Variants in AFAP1L2 observed in about 807,000 individuals in gnomAD.
AFAP1L2 encodes the protein actin filament associated protein 1 like 2.
In AFAP1L2, 46 loss-of-function variants were observed where a neutral mutation model predicts 99.3. The ratio of observed to expected loss-of-function variants is 0.46; its 90% confidence interval spans 0.37 to 0.59. The LOEUF (loss-of-function observed/expected upper bound fraction) is 0.59. AFAP1L2 is among the 20% of genes least tolerant of loss of function. The pLI is 0.00. For missense variants in AFAP1L2, 959 were observed against 1,034.9 expected (o/e 0.93, Z 1.01); for synonymous variants, 397 against 419.1 (o/e 0.95, Z 0.64).
chr10:114,332,846 TTC>T (rs1372993560), intron 3 of AFAP1L2, among the ~76,000 whole-genome samples: 1 of 152,196 alleles, frequency 6.6e-6, no homozygotes, highest in Non-Finnish European at 1.5e-5. Flanking sequence ...CACCATTTAC[TTC>T]TCTCTCCTCT....
intron 11 of AFAP1L2, 31 bp downstream of exon 11, chr10:114,304,688 T>C: frequency 6.4e-7 from 1 of 1,559,254 alleles, no homozygotes; most frequent in Non-Finnish European, 8.7e-7. Context: ...ACACCCTGGC[T>C]GGCCCTGCTC....
intron 5 of AFAP1L2, among the ~76,000 whole-genome samples, chr10:114,317,193 G>C (rs992080830): frequency 2.1e-5 from 1 of 47,002 alleles, no homozygotes; most frequent in Non-Finnish European, 6.2e-5. Context: ...ATTTGAAACA[G>C]AATATAGAAA....
At chr10:114,394,674 A>G (rs1399246406) in intron 1 of AFAP1L2, among the ~76,000 whole-genome samples, 1 of 152,128 alleles carries the variant, frequency 6.6e-6, no homozygotes, top group Non-Finnish European at 1.5e-5. Context: ...CAGGTGCAGG[A>G]GCCAGCGTGA....
At chr10:114,395,168 A>C (rs1194347901) in intron 1 of AFAP1L2, among the ~76,000 whole-genome samples, 2 of 152,208 alleles carry the variant, frequency 1.3e-5, no homozygotes, top group Admixed American at 1.3e-4. Flanking sequence ...CAGAAGCCAC[A>C]GAGGGCTTCT....
chr10:114,290,087 C>T (rs1300636936), downstream of AFAP1L2: 2 of 966,494 alleles, frequency 2.1e-6, no homozygotes, highest in Admixed American at 2.7e-5. Flanking sequence ...ACTAACCTAG[C>T]CAAGTGGTAT....
chr10:114,291,284 C>T (rs899922360), downstream of AFAP1L2: 4 of 1,538,152 alleles, frequency 2.6e-6, no homozygotes, highest in Non-Finnish European at 3.5e-6. Context: ...CCCCTCCCAG[C>T]AACTACAGAG....
intron 1 of AFAP1L2, among the ~76,000 whole-genome samples, chr10:114,394,887 G>A (rs1485836421): frequency 6.6e-6 from 1 of 152,100 alleles, no homozygotes; most frequent in Non-Finnish European, 1.5e-5. Flanking sequence ...TCTCTCAGGA[G>A]ATTTCCAGGG....
chr10:114,348,656 G>C (rs1362982601), intron 1 of AFAP1L2, among the ~76,000 whole-genome samples: 2 of 152,226 alleles, frequency 1.3e-5, no homozygotes, highest in Non-Finnish European at 2.9e-5. Flanking sequence ...TCTACTTTAA[G>C]TTCACGCAAT....
At position 114,360,509 on chromosome 10, in the gene AFAP1L2, T is replaced by TAGATAGATAGTTAGA. The variant is rs61366681; in HGVS notation, c.17-19779_17-19778insTCTAACTATCTATCT. 2.3e-3 allele frequency among the ~76,000 whole-genome samples: 251 copies of TAGATAGATAGTTAGA among 107,398 alleles called. 2 individuals carry two copies. The highest frequency in any genetic ancestry group is 6.7e-3 in the African/African-American group (188 of 28,002). 70.5% of individuals were successfully genotyped at this position (107,398 alleles called of 152,430 possible). On this transcript the variant is annotated intron_variant, in intron 1 of 18. Coordinates refer to ENST00000304129, the MANE Select transcript of AFAP1L2 (RefSeq NM_001001936.3). ...TCTAGATAGATAGATAGATAGATAGTTAGATAGATAGATAGATAGATAGAT... is the reference window on the plus strand; with the variant it reads ...TCTAGATAGATAGATAGATAGATAGTAGATAGATAGTTAGATAGATAGATAGATAGATAGATAGAT...
chr10:114,358,718 C>A (rs1004185075), intron 1 of AFAP1L2, among the ~76,000 whole-genome samples: 2 of 152,038 alleles, frequency 1.3e-5, no homozygotes, highest in African/African-American at 4.8e-5. Context: ...AGTTCGAGAC[C>A]AGCCTGGTCA....
Position 114,295,680 on chromosome 10 carries a change from T to G in AFAP1L2, c.*362A>C. ...ACACGTGACCCATAAGACAGGGCCC[T>G]GCTTCCTTGATTCATCTTCCACCAA... On this transcript the variant is annotated 3_prime_UTR_variant, in exon 19 of 19. Transcript: ENST00000304129. 26 of 1,043,122 alleles carry G rather than the reference T, an allele frequency of 2.5e-5. No individual in the cohort carries two copies. The highest frequency in any genetic ancestry group is 3.0e-5 in the Non-Finnish European group (26 of 866,474). 64.6% of individuals were successfully genotyped at this position (1,043,122 alleles called of 1,614,324 possible).
In AFAP1L2 at chr10:114,331,825, G is replaced by A. The variant is rs2047283327; in HGVS notation, c.293C>T (p.Pro98Leu). 4 of 1,394,750 alleles carry A rather than the reference G, an allele frequency of 2.9e-6. No homozygotes were observed. In the South Asian group the frequency reaches 6.9e-5, roughly 24 times the overall value. 86.4% of individuals were successfully genotyped at this position (1,394,750 alleles called of 1,614,324 possible). Residue 98 changes from proline to leucine, a missense_variant, in exon 4 of 19, where the codon CCA (proline) becomes CTA (leucine). Around this residue, in one of 2 missense-constraint regions of AFAP1L2, gnomAD observed 383 missense variants for 472.8 expected, o/e 0.81. Coordinates refer to ENST00000304129, the MANE Select transcript of AFAP1L2 (RefSeq NM_001001936.3). ...QHSSAPQKSL[P>L]DLPPPKMIPE... is the part of the protein sequence containing the mutation. ...TACCATCTTGGGTGGCGGGAGGTCTGGAAGGCTCTTCTGAGGGGCCGAGGA... is the reference window on the plus strand; with the variant it reads ...TACCATCTTGGGTGGCGGGAGGTCTAGAAGGCTCTTCTGAGGGGCCGAGGA...
chr10:114,283,324 AGCG>A, the AFAP1L2 span, among the ~76,000 whole-genome samples: 1 of 143,370 alleles, frequency 7.0e-6, no homozygotes, highest in Non-Finnish European at 1.5e-5. Flanking sequence ...CAGGCAGGGT[AGCG>A]AGCAGTTAGA....
rs111408849 is a variant in AFAP1L2, at chr10:114,389,440, A to T, written c.16+15000T>A. On this transcript the variant is annotated intron_variant, in intron 1 of 18. Transcript: ENST00000304129. ...TCCTAAGTGAAGAGGAGCAAAATGA[A>T]CCCCCTAGCTCAGAGTCTAGCGATC... 5.8e-3 allele frequency among the ~76,000 whole-genome samples: 885 copies of T among 152,178 alleles called. 8 individuals are homozygous for T. Among genetic ancestry groups the T allele is most frequent in the African/African-American group, 0.019 (794 of 41,508 alleles).
chr10:114,347,094 G>A (rs900331603), intron 1 of AFAP1L2, among the ~76,000 whole-genome samples: 5 of 152,150 alleles, frequency 3.3e-5, no homozygotes, highest in South Asian at 4.1e-4. Context: ...GCAGACCTGC[G>A]CTTTATATAG....
chr10:114,382,991 C>T lies in AFAP1L2; in HGVS notation c.16+21449G>A, dbSNP rs544652547. Among the ~76,000 whole-genome samples, 255 of 152,294 alleles carry T rather than the reference C, an allele frequency of 1.7e-3. 1 individual carries two copies. The highest frequency in any genetic ancestry group is 6.0e-3 in the African/African-American group (251 of 41,556). ...CTTCAGGTGATGGATACCCCAAATA[C>T]CCTGACTGGATCATTACACTTTCTA... is the stretch of plus-strand genomic sequence containing the variant. On this transcript the variant is annotated intron_variant, in intron 1 of 18. Coordinates refer to ENST00000304129, the MANE Select transcript of AFAP1L2 (RefSeq NM_001001936.3).
chr10:114,381,544 T>C (rs1414195631), intron 1 of AFAP1L2, among the ~76,000 whole-genome samples: 1 of 152,190 alleles, frequency 6.6e-6, no homozygotes, highest in Non-Finnish European at 1.5e-5. Context: ...AATTGTATGG[T>C]ATGTGAATAA....
At chr10:114,337,586 T>A (rs1218805253) in intron 2 of AFAP1L2, among the ~76,000 whole-genome samples, 1 of 152,112 alleles carries the variant, frequency 6.6e-6, no homozygotes, top group Non-Finnish European at 1.5e-5. Context: ...CCCTACGAGC[T>A]GCAGAGTCCA....
chr10:114,394,581 A>G (rs2138137234), intron 1 of AFAP1L2, among the ~76,000 whole-genome samples: 1 of 151,942 alleles, frequency 6.6e-6, no homozygotes, highest in East Asian at 1.9e-4. Context: ...AGAGTGAAAA[A>G]GTGGGAGAAA....
Sources: gnomAD v4.1 joint callset for allele counts (sites outside exome capture counted in the v4.1 genomes callset) on GRCh38, gnomAD v4.1.1 for gene constraint, gnomAD v4.1.1 regional missense constraint, MANE v1.5 for transcripts, NCBI Gene and HGNC (gene_info 2026-07-23, HGNC 2026-07-21) for gene names.